SEMA3E: variants seen among roughly 807,000 people sequenced by gnomAD.
SEMA3E encodes semaphorin-3E.
Under a neutral mutation model 93.6 loss-of-function variants are expected in SEMA3E, and 49 were observed. The ratio of observed to expected loss-of-function variants is 0.52; its 90% CI spans 0.42 to 0.66. The LOEUF is 0.66. SEMA3E is among the 30% of genes least tolerant of loss of function. The probability of loss-of-function intolerance (pLI) is 0.00; values close to 1 mark genes in which losing one functional copy is unlikely to be tolerated. For missense variants in SEMA3E, 906 were observed against 964.8 expected, an observed-to-expected ratio of 0.94 and a Z score of 0.81; for synonymous variants, 363 against 330.7, an observed-to-expected ratio of 1.10 and a Z score of -1.06.
intron 1 of SEMA3E, among the ~76,000 whole-genome samples, chr7:83,569,725 A>G (rs541563619): frequency 2.6e-5 from 4 of 152,318 alleles, no homozygotes; most frequent in African/African-American, 9.6e-5. Context: ...GAGCACTGAG[A>G]TTCATAAAAC....
Position 83,490,237 on chromosome 7 carries a change from G to T in SEMA3E, c.153C>A (p.Ser51Arg). The T allele has an allele frequency of 6.2e-7, 1 of 1,612,664 alleles. No homozygotes were observed. Among genetic ancestry groups the T allele is most frequent in the Non-Finnish European group, 8.5e-7 (1 of 1,179,354 alleles). Residue 51 changes from serine to arginine, a missense_variant, in exon 2 of 17, where the codon AGC (serine) becomes AGA (arginine). Coordinates refer to ENST00000643230, the MANE Select transcript of SEMA3E (RefSeq NM_012431.3). The part of the protein sequence containing the change: ...LNLNRTSIFH[S>R]PFGFLDLHTM... ...TATGGAGATCAAGAAATCCAAAAGGGCTATGAAATATTGATGTTCTGTTCA... is the reference window on the plus strand; with the variant it reads ...TATGGAGATCAAGAAATCCAAAAGGTCTATGAAATATTGATGTTCTGTTCA...
At chr7:83,474,704 T>C (rs1279848748) in intron 2 of SEMA3E, among the ~76,000 whole-genome samples, 1 of 152,204 alleles carries the variant, frequency 6.6e-6, no homozygotes, top group Non-Finnish European at 1.5e-5. Flanking sequence ...TCAGTCAATA[T>C]CTGGTTACAA....
chr7:83,412,517 C>T (rs953369096), intron 5 of SEMA3E, among the ~76,000 whole-genome samples: 2 of 151,802 alleles, frequency 1.3e-5, no homozygotes, highest in Non-Finnish European at 2.9e-5. Context: ...CAGCCCAGGC[C>T]GGAGGATCGC....
Position 83,488,125 on chromosome 7 carries a change from G to T in SEMA3E, c.276+1989C>A, listed in dbSNP as rs75910869. Among the ~76,000 whole-genome samples, 240 of 151,984 alleles carry T rather than the reference G, an allele frequency of 1.6e-3. 2 individuals are homozygous for T. Among genetic ancestry groups the T allele is most frequent in the African/African-American group, 5.6e-3 (234 of 41,468 alleles). On this transcript the variant is annotated intron_variant, in intron 2 of 16. Transcript: ENST00000643230. ...AAGCCTAGAGAGTGAGAAGAGGGGT[G>T]GGTGTGGATGAAATCAGAAGTGTTT...
chr7:83,547,125 G>A (rs1791667516), intron 1 of SEMA3E, among the ~76,000 whole-genome samples: 1 of 152,070 alleles, frequency 6.6e-6, no homozygotes, highest in South Asian at 2.1e-4. Flanking sequence ...GTTAACTGGA[G>A]CCAAATTTTC....
chr7:83,594,567 T>C (rs1275841907), intron 1 of SEMA3E, among the ~76,000 whole-genome samples: 1 of 152,084 alleles, frequency 6.6e-6, no homozygotes, highest in East Asian at 1.9e-4. Context: ...TCCTAGGTTT[T>C]TCTGGAAGGG....
chr7:83,418,623 A>G (rs1458214694), intron 4 of SEMA3E, 140 bp from the exon 5 acceptor site: 3 of 712,182 alleles, frequency 4.2e-6, no homozygotes, highest in Non-Finnish European at 7.6e-6. Context: ...ATTTATTTAG[A>G]GACAAACTGG....
rs569849481 is a variant in SEMA3E, at chr7:83,463,560, T to C, written c.456+2922A>G. Among the ~76,000 whole-genome samples the C allele has an allele frequency of 6.0e-3, 910 of 152,210 alleles. 4 individuals are homozygous for C. Among genetic ancestry groups the C allele is most frequent in the African/African-American group, 0.021 (856 of 41,540 alleles). On this transcript the variant is annotated intron_variant, in intron 4 of 16. Coordinates refer to ENST00000643230, the MANE Select transcript of SEMA3E (RefSeq NM_012431.3). ...TGATACCACACCTGACCCCCATGAC[T>C]GTATCTCTCTGATCCACCTGACATT...
chr7:83,395,447 T>C (rs896804654), intron 12 of SEMA3E, among the ~76,000 whole-genome samples: 10 of 152,162 alleles, frequency 6.6e-5, no homozygotes, highest in Admixed American at 2.0e-4. Flanking sequence ...ATTAGCCTAC[T>C]TGCTAAAATT....
At chr7:83,466,676 C>G in intron 3 of SEMA3E, 75 bp from the exon 4 acceptor site, 3 of 1,572,452 alleles carry the variant, frequency 1.9e-6, no homozygotes, top group Admixed American at 1.7e-5. Flanking sequence ...TTTGTTTTTC[C>G]TAGCCCTAGA....
chr7:83,584,234 A>G (rs1439973663), intron 1 of SEMA3E, among the ~76,000 whole-genome samples: 1 of 152,124 alleles, frequency 6.6e-6, no homozygotes, highest in Non-Finnish European at 1.5e-5. Context: ...ATAATAATAA[A>G]CATTTTACAA....
chr7:83,381,664 A>G (rs1234924677), intron 16 of SEMA3E, among the ~76,000 whole-genome samples: 1 of 152,030 alleles, frequency 6.6e-6, no homozygotes, highest in Non-Finnish European at 1.5e-5. Context: ...AGTGCTTAAT[A>G]AATAAATTCA....
intron 1 of SEMA3E, among the ~76,000 whole-genome samples, chr7:83,573,065 T>C (rs1792319612): frequency 6.6e-6 from 1 of 152,160 alleles, no homozygotes. Flanking sequence ...ACTTCTGCTC[T>C]GCAAAATAAA....
intron 1 of SEMA3E, among the ~76,000 whole-genome samples, chr7:83,555,559 C>T (rs760709227): frequency 6.6e-6 from 1 of 152,106 alleles, no homozygotes; most frequent in Non-Finnish European, 1.5e-5. Context: ...TTTTCCATGT[C>T]TACAATGAGG....
intron 12 of SEMA3E, among the ~76,000 whole-genome samples, chr7:83,394,848 T>C (rs1340834844): frequency 2.0e-5 from 3 of 152,170 alleles, no homozygotes; most frequent in Non-Finnish European, 4.4e-5. Context: ...ATGAATAACC[T>C]GATTTTCTTA....
chr7:83,634,969 TG>T (rs1482010167), intron 1 of SEMA3E, among the ~76,000 whole-genome samples: 1 of 152,116 alleles, frequency 6.6e-6, no homozygotes, highest in African/African-American at 2.4e-5. Context: ...GTTTTGATTA[TG>T]GGTGATATGG....
intron 4 of SEMA3E, 27 bp from the exon 5 acceptor site, chr7:83,418,510 A>G (rs752444279): frequency 7.0e-7 from 1 of 1,432,436 alleles, no homozygotes; most frequent in South Asian, 1.2e-5. Flanking sequence ...AAAAATCATT[A>G]TGAATATGCC....
chr7:83,549,467 C>A (rs1480885560), intron 1 of SEMA3E, among the ~76,000 whole-genome samples: 1 of 152,062 alleles, frequency 6.6e-6, no homozygotes, highest in Non-Finnish European at 1.5e-5. Flanking sequence ...ACAAACATGG[C>A]TTCTTTAATG....
At chr7:83,625,779 G>A (rs1295026233) in intron 1 of SEMA3E, among the ~76,000 whole-genome samples, 1 of 151,804 alleles carries the variant, frequency 6.6e-6, no homozygotes, top group East Asian at 1.9e-4. Flanking sequence ...TCTTTGTCTT[G>A]TGCCGATTTT....
Sources: gnomAD v4.1 joint callset for allele counts (sites outside exome capture counted in the v4.1 genomes callset) on GRCh38, gnomAD v4.1.1 for gene constraint, MANE v1.5 for transcripts, NCBI Gene and HGNC (gene_info 2026-07-23, HGNC 2026-07-21) for gene names.